The following MTHFD1L variants were observed in gnomAD, a reference collection of about 807,000 sequenced individuals.
MTHFD1L encodes monofunctional C1-tetrahydrofolate synthase, mitochondrial.
A neutral mutation model predicts 119.5 loss-of-function variants in MTHFD1L; 81 were observed. The observed-to-expected ratio is 0.68, with a 90% CI of 0.57 to 0.82. The LOEUF is 0.82. Ranked by LOEUF, MTHFD1L falls within the 40% of genes least tolerant of loss-of-function variation. The pLI, the probability that MTHFD1L is intolerant of heterozygous loss-of-function variation, is 0.00. For synonymous variants in MTHFD1L, 430 were observed against 475.2 expected (o/e 0.90, Z 1.24); for missense variants, 1,125 against 1,253.4 (o/e 0.90, Z 1.55).
intron 26 of MTHFD1L, among the ~76,000 whole-genome samples, chr6:151,074,161 A>G (rs1792265161): frequency 6.6e-6 from 1 of 152,208 alleles, no homozygotes; most frequent in Admixed American, 6.5e-5. Context: ...CAAAGCTGAA[A>G]TAAAGACTAT....
rs540885723 is a variant in MTHFD1L at position 150,918,558 on chromosome 6, TC to T, written c.893-16del. ...GACAGTGTACTGAAAGTCTTTTTTT[TC>T]CCTCCAATTTTTTACAGGGAAGGTT... On this transcript the variant is annotated intron_variant, in intron 8 of 27. Coordinates refer to ENST00000367321, the MANE Select transcript of MTHFD1L (RefSeq NM_015440.5). The T allele has an allele frequency of 5.3e-5, 84 of 1,582,696 alleles. No individual in the cohort carries two copies. The South Asian group carries it at 8.6e-4, about 16-fold the overall frequency.
intron 7 of MTHFD1L, among the ~76,000 whole-genome samples, chr6:150,892,304 CA>C (rs1386891685): frequency 2.0e-5 from 3 of 152,174 alleles, no homozygotes; most frequent in African/African-American, 4.8e-5. Flanking sequence ...AAAACAAAGA[CA>C]TTTTTCAAAG....
chr6:151,058,515 A>T (rs1335075848), intron 26 of MTHFD1L, among the ~76,000 whole-genome samples: 4 of 152,240 alleles, frequency 2.6e-5, no homozygotes, highest in African/African-American at 7.2e-5. Context: ...GATTTTCAGT[A>T]TGAGAGACGG....
chr6:150,958,557 C>T (rs1795972221), intron 17 of MTHFD1L, among the ~76,000 whole-genome samples: 1 of 152,026 alleles, frequency 6.6e-6, no homozygotes, highest in African/African-American at 2.4e-5. Flanking sequence ...CCATATTGGC[C>T]TTTGTTTAAA....
chr6:150,950,122 A>G (rs1305555449), intron 16 of MTHFD1L, among the ~76,000 whole-genome samples: 1 of 152,194 alleles, frequency 6.6e-6, no homozygotes, highest in Non-Finnish European at 1.5e-5. Context: ...GAGGGTTCAC[A>G]TTAACAGAGA....
intron 5 of MTHFD1L, 94 bp from the exon 6 acceptor site, chr6:150,885,540 T>C: frequency 1.2e-6 from 1 of 855,230 alleles, no homozygotes; most frequent in Admixed American, 2.0e-5. Flanking sequence ...AACATTGACT[T>C]GGATGTTATT....
At chr6:150,868,006 G>C (rs1461741775) in intron 1 of MTHFD1L, among the ~76,000 whole-genome samples, 1 of 151,882 alleles carries the variant, frequency 6.6e-6, no homozygotes, top group Non-Finnish European at 1.5e-5. Flanking sequence ...CACCATGTTG[G>C]CCAGGCTGGT....
chr6:150,865,736 G>A lies in MTHFD1L; in HGVS notation c.-87G>A. 4 of 1,131,936 alleles carry A rather than the reference G, an allele frequency of 3.5e-6. No homozygotes were observed. The highest frequency in any genetic ancestry group is 4.4e-6 in the Non-Finnish European group (4 of 919,504). The allele number at this position is 1,131,936 out of a possible 1,614,324, so 70.1% of individuals were successfully genotyped here. A position where few individuals can be genotyped will look rare whatever the true frequency, so the allele number is the denominator to read the frequency against. On this transcript the variant is annotated 5_prime_UTR_variant, in exon 1 of 28. Transcript: ENST00000367321. ...CCAGGTCCTTCCCGCCGCCGCCGCCGCCGCCGCCGCCTGCTCCCCTGGCAC... is the reference window on the plus strand; with the variant it reads ...CCAGGTCCTTCCCGCCGCCGCCGCCACCGCCGCCGCCTGCTCCCCTGGCAC...
At chr6:150,867,354 G>C (rs1407202661) in intron 1 of MTHFD1L, among the ~76,000 whole-genome samples, 1 of 152,088 alleles carries the variant, frequency 6.6e-6, no homozygotes, top group Non-Finnish European at 1.5e-5. Flanking sequence ...ACCATGCCCG[G>C]ATTATTTTAT....
intron 26 of MTHFD1L, among the ~76,000 whole-genome samples, chr6:151,078,522 C>T (rs1367973050): frequency 6.6e-6 from 1 of 152,132 alleles, no homozygotes; most frequent in African/African-American, 2.4e-5. Flanking sequence ...CGAAAATTGT[C>T]TCATCTGAGG....
At chr6:150,954,606 T>C (rs1210898539) in intron 16 of MTHFD1L, among the ~76,000 whole-genome samples, 1 of 151,940 alleles carries the variant, frequency 6.6e-6, no homozygotes, top group East Asian at 1.9e-4. Context: ...GGAGAATCGC[T>C]TGATCCCAGG....
chr6:151,057,359 G>A lies in MTHFD1L; in HGVS notation c.2847+20242G>A, dbSNP rs113925932. 53 of 985,256 alleles carry A rather than the reference G, an allele frequency of 5.4e-5. No homozygotes were observed. The African/African-American group carries it at 6.6e-4, about 12-fold the overall frequency. The allele number at this position is 985,256 out of a possible 1,614,324, so 61.0% of individuals were successfully genotyped here. ...AGACTGCTTTAAGGCCTGAGAGACC[G>A]GCCAGGTACTGTGGCTCACGTCTGT... On this transcript the variant is annotated intron_variant, in intron 26 of 27. Coordinates refer to ENST00000367321, the MANE Select transcript of MTHFD1L (RefSeq NM_015440.5).
At chr6:150,921,806 G>T (rs1788989910) in intron 9 of MTHFD1L, among the ~76,000 whole-genome samples, 2 of 152,164 alleles carry the variant, frequency 1.3e-5, no homozygotes, top group African/African-American at 2.4e-5. Flanking sequence ...CCTGTGACTT[G>T]AAATAACCCT....
At chr6:151,001,260 T>A (rs1027027215) in intron 20 of MTHFD1L, among the ~76,000 whole-genome samples, 2 of 152,184 alleles carry the variant, frequency 1.3e-5, no homozygotes, top group Non-Finnish European at 2.9e-5. Context: ...AATTTCTTTA[T>A]CTTCTGAGTA....
rs922487364 is a variant in MTHFD1L at position 150,965,089 on chromosome 6, C to T, written c.2013+52C>T. 2.7e-6 allele frequency: 4 copies of T among 1,497,770 alleles called. No individual in the cohort carries two copies. In the African/African-American group the frequency reaches 5.5e-5, roughly 21 times the overall value. 92.8% of individuals were successfully genotyped at this position (1,497,770 alleles called of 1,614,324 possible). On this transcript the variant is annotated intron_variant, in intron 19 of 27. Coordinates refer to ENST00000367321, the MANE Select transcript of MTHFD1L (RefSeq NM_015440.5). Reference sequence around the variant, plus strand: ...TGTTTGCATTAACTGGATTGCCACACAATGTGAACATTTTTAGCCAATATG... The same window carrying T: ...TGTTTGCATTAACTGGATTGCCACATAATGTGAACATTTTTAGCCAATATG...
intron 7 of MTHFD1L, among the ~76,000 whole-genome samples, chr6:150,901,618 G>A (rs1785112869): frequency 6.6e-6 from 1 of 152,174 alleles, no homozygotes; most frequent in South Asian, 2.1e-4. Flanking sequence ...TGAAAATCAA[G>A]CAAGGGACCA....
intron 26 of MTHFD1L, among the ~76,000 whole-genome samples, chr6:151,073,424 G>A (rs977407825): frequency 7.9e-5 from 12 of 152,116 alleles, no homozygotes; most frequent in Non-Finnish European, 1.5e-4. Flanking sequence ...ATACTAAGAA[G>A]GGTCTTGCCA....
intron 19 of MTHFD1L, among the ~76,000 whole-genome samples, chr6:150,970,602 G>A (rs1797881246): frequency 6.6e-6 from 1 of 152,170 alleles, no homozygotes; most frequent in African/African-American, 2.4e-5. Context: ...CTTATGAAAT[G>A]TTTGAAAGGG....
intron 26 of MTHFD1L, 50 bp downstream of exon 26, chr6:151,037,167 G>T: frequency 6.3e-7 from 1 of 1,596,520 alleles, no homozygotes; most frequent in Non-Finnish European, 8.6e-7. Context: ...CATTGCTGTG[G>T]TGCCTCAAAT....
Sources: gnomAD v4.1 joint callset for allele counts (sites outside exome capture counted in the v4.1 genomes callset) on GRCh38, gnomAD v4.1.1 for gene constraint, MANE v1.5 for transcripts, NCBI Gene and HGNC (gene_info 2026-07-23, HGNC 2026-07-21) for gene names.